The following ARHGAP10 variants were observed in gnomAD, a reference collection of about 807,000 sequenced individuals.
The protein encoded by ARHGAP10 is Rho GTPase activating protein 10, also known as rho GTPase-activating protein 10.
Under a neutral mutation model 108.6 loss-of-function variants are expected in ARHGAP10, and 87 were observed. The ratio of observed to expected loss-of-function variants is 0.80; its 90% CI spans 0.67 to 0.96. ARHGAP10 has a LOEUF of 0.96. Ranked by LOEUF, ARHGAP10 falls within the 40% of genes least tolerant of loss-of-function variation. The probability of loss-of-function intolerance (pLI) is 0.00; values close to 1 mark genes in which losing one functional copy is unlikely to be tolerated. For synonymous variants in ARHGAP10, 347 were observed against 341.1 expected (o/e 1.02, Z -0.19); for missense variants, 939 against 954.5 (o/e 0.98, Z 0.21).
chr4:147,873,975 A>G (rs1306776040), intron 7 of ARHGAP10, among the ~76,000 whole-genome samples: 1 of 151,650 alleles, frequency 6.6e-6, no homozygotes, highest in Non-Finnish European at 1.5e-5. Flanking sequence ...GCGGGCTTAC[A>G]CTTTCTTACA....
rs1286583787 is a variant in ARHGAP10 at position 147,909,773 on chromosome 4, A to T, written c.1158A>T (p.Glu386Asp). 6.2e-7 allele frequency: 1 copy of T among 1,609,366 alleles called. No homozygotes were observed. The highest frequency in any genetic ancestry group is 8.5e-7 in the Non-Finnish European group (1 of 1,175,796). The change falls in exon 12 of 23, where the codon GAA becomes GAT. Residue 386 changes from glutamate (E) to aspartate (D), a missense_variant. Transcript: ENST00000336498. Reference protein sequence around the residue: ...SFNTAIIPRPEGNAQLDKMGF... With the variant: ...SFNTAIIPRPDGNAQLDKMGF... The stretch of plus-strand genomic sequence containing the variant: ...ATACAGCCATCATCCCAAGACCAGA[A>T]GGAAGTAAGTGCTCATTTATAAAAA...
intron 3 of ARHGAP10, among the ~76,000 whole-genome samples, chr4:147,831,435 C>T (rs1732950320): frequency 6.6e-6 from 1 of 152,098 alleles, no homozygotes; most frequent in Non-Finnish European, 1.5e-5. Context: ...AAAGATTATG[C>T]CTTTAGTTTC....
intron 16 of ARHGAP10, among the ~76,000 whole-genome samples, chr4:147,959,445 G>A (rs994678307): frequency 6.6e-6 from 1 of 152,016 alleles, no homozygotes; most frequent in Admixed American, 6.6e-5. Flanking sequence ...GTATACATGT[G>A]CCATGTTGGT....
intron 10 of ARHGAP10, among the ~76,000 whole-genome samples, chr4:147,890,723 A>G (rs1183010651): frequency 6.6e-6 from 1 of 152,062 alleles, no homozygotes; most frequent in African/African-American, 2.4e-5. Flanking sequence ...GCTACTCGGG[A>G]GGCTGAGGCA....
At chr4:147,768,971 C>T (rs1729956645) in intron 1 of ARHGAP10, among the ~76,000 whole-genome samples, 4 of 152,078 alleles carry the variant, frequency 2.6e-5, no homozygotes, top group Admixed American at 2.6e-4. Flanking sequence ...CTCCTGACTT[C>T]AAGTGATCTG....
At chr4:148,070,946 G>C (rs1016623859) in intron 22 of ARHGAP10, among the ~76,000 whole-genome samples, 27 of 152,308 alleles carry the variant, frequency 1.8e-4, no homozygotes, top group Middle Eastern at 6.8e-3. Context: ...GCCCTTTGCT[G>C]TCCAGGCTGC....
intron 18 of ARHGAP10, among the ~76,000 whole-genome samples, chr4:147,967,374 A>T (rs1739244662): frequency 1.3e-5 from 2 of 152,224 alleles, no homozygotes; most frequent in African/African-American, 4.8e-5. Flanking sequence ...GGTTACACCT[A>T]GCTGTTGTGA....
chr4:148,010,984 A>T (rs762888403), intron 18 of ARHGAP10, among the ~76,000 whole-genome samples: 2 of 152,268 alleles, frequency 1.3e-5, no homozygotes, highest in Non-Finnish European at 2.9e-5. Flanking sequence ...TCTCAGACTT[A>T]GTCTTTCATG....
chr4:148,060,351 T>C (rs1167033416), intron 20 of ARHGAP10, among the ~76,000 whole-genome samples: 2 of 151,344 alleles, frequency 1.3e-5, no homozygotes, highest in African/African-American at 2.4e-5. Flanking sequence ...TTTAGTTTTT[T>C]TTTTTTTTTT....
Position 148,039,368 on chromosome 4 carries a change from A to ATTTTTTTT in ARHGAP10, c.1868-7502_1868-7495dup, listed in dbSNP as rs34876546. Among the ~76,000 whole-genome samples, 156 of 73,090 alleles carry ATTTTTTTT rather than the reference A, an allele frequency of 2.1e-3. 7 individuals carry two copies. Among genetic ancestry groups the ATTTTTTTT allele is most frequent in the African/African-American group, 3.3e-3 (59 of 17,674 alleles). The allele number at this position is 73,090 out of a possible 152,430, so 47.9% of individuals were successfully genotyped here. A position where few individuals can be genotyped will look rare whatever the true frequency, so the allele number is the denominator to read the frequency against. On this transcript the variant is annotated intron_variant, in intron 19 of 22. Coordinates refer to ENST00000336498, the MANE Select transcript of ARHGAP10 (RefSeq NM_024605.4). Reference sequence around the variant, plus strand: ...TTAATACTTTAAGAATACTACTTCAATTTTTTTTTTTTTTTTTTTTTTTTT... The same window carrying ATTTTTTTT: ...TTAATACTTTAAGAATACTACTTCAATTTTTTTTTTTTTTTTTTTTTTTTTTTTTTTTT...
intron 1 of ARHGAP10, among the ~76,000 whole-genome samples, chr4:147,805,646 T>A (rs1001098024): frequency 3.9e-5 from 6 of 152,240 alleles, no homozygotes; most frequent in Admixed American, 3.9e-4. Flanking sequence ...CAAAGCAAAA[T>A]AATAATTTAT....
chr4:147,879,496 A>G lies in ARHGAP10; in HGVS notation c.939+158A>G, dbSNP rs189485787. ...GTTTTGTTTTTGAGTGAAATGGGCC[A>G]GAAGACAGAACAATATATATGTTTT... On this transcript the variant is annotated intron_variant, in intron 9 of 22. Transcript: ENST00000336498. Among the ~76,000 whole-genome samples, 651 of 152,336 alleles carry G rather than the reference A, an allele frequency of 4.3e-3. 3 individuals carry two copies. The highest frequency in any genetic ancestry group is 0.02 in the Middle Eastern group (6 of 294).
chr4:148,070,516 T>C (rs1730123527), intron 22 of ARHGAP10, among the ~76,000 whole-genome samples: 1 of 152,198 alleles, frequency 6.6e-6, no homozygotes. Flanking sequence ...TCTTCCAAAC[T>C]GTGGGCAGCT....
At chr4:147,983,114 T>G (rs1739888692) in intron 18 of ARHGAP10, among the ~76,000 whole-genome samples, 1 of 151,698 alleles carries the variant, frequency 6.6e-6, no homozygotes, top group African/African-American at 2.4e-5. Flanking sequence ...ACTCTTGGGC[T>G]CAGAAGATCC....
At chr4:148,009,912 G>C (rs913417926) in intron 18 of ARHGAP10, among the ~76,000 whole-genome samples, 1 of 152,160 alleles carries the variant, frequency 6.6e-6, no homozygotes, top group African/African-American at 2.4e-5. Context: ...GGCTGCTTTT[G>C]TGAAACCTCA....
intron 19 of ARHGAP10, among the ~76,000 whole-genome samples, chr4:148,024,585 A>C (rs939664415): frequency 2.6e-5 from 4 of 152,232 alleles, no homozygotes. Flanking sequence ...ATATTGCTTA[A>C]GACGTAGGTA....
At chr4:147,784,842 A>T (rs1185215269) in intron 1 of ARHGAP10, among the ~76,000 whole-genome samples, 2 of 100,914 alleles carry the variant, frequency 2.0e-5, no homozygotes, top group Non-Finnish European at 3.6e-5. Flanking sequence ...ATATATTATA[A>T]AATATATATT....
At chr4:147,787,303 G>A (rs1730926982) in intron 1 of ARHGAP10, among the ~76,000 whole-genome samples, 1 of 152,118 alleles carries the variant, frequency 6.6e-6, no homozygotes, top group African/African-American at 2.4e-5. Flanking sequence ...CTCAATATTT[G>A]AATGAATAAA....
chr4:147,984,737 C>T (rs1186430265), intron 18 of ARHGAP10, among the ~76,000 whole-genome samples: 1 of 152,196 alleles, frequency 6.6e-6, no homozygotes, highest in Non-Finnish European at 1.5e-5. Context: ...CATTCAACGT[C>T]CAGGCCAAGA....
Sources: gnomAD v4.1 joint callset for allele counts (sites outside exome capture counted in the v4.1 genomes callset) on GRCh38, gnomAD v4.1.1 for gene constraint, MANE v1.5 for transcripts, NCBI Gene and HGNC (gene_info 2026-07-23, HGNC 2026-07-21) for gene names.